The following TERF2IP variants were observed in gnomAD, a reference collection of about 807,000 sequenced individuals.
The protein encoded by TERF2IP is telomeric repeat-binding factor 2-interacting protein 1.
A neutral mutation model predicts 33.3 loss-of-function variants in TERF2IP; 35 were observed. That is an observed-to-expected ratio of 1.05 (90% CI 0.80 to 1.39). The LOEUF (loss-of-function observed/expected upper bound fraction) is 1.39. TERF2IP is among the 40% of genes most tolerant of loss of function. TERF2IP has a pLI of 0.00. For synonymous variants in TERF2IP, 253 were observed against 223.2 expected (o/e 1.13, Z -1.19); for missense variants, 583 against 524.8 (o/e 1.11, Z -1.08).
intron 1 of TERF2IP, among the ~76,000 whole-genome samples, chr16:75,653,142 A>G (rs895690817): frequency 6.6e-6 from 1 of 152,004 alleles, no homozygotes; most frequent in Non-Finnish European, 1.5e-5. Flanking sequence ...TATATACTAC[A>G]TTTTGTTTTT....
At chr16:75,651,925 T>C (rs193207469) in intron 1 of TERF2IP, among the ~76,000 whole-genome samples, 7 of 152,276 alleles carry the variant, frequency 4.6e-5, no homozygotes, top group South Asian at 2.1e-4. Flanking sequence ...ATCTATAAGA[T>C]TGGCAAAAGT....
intron 1 of TERF2IP, among the ~76,000 whole-genome samples, chr16:75,652,568 T>A (rs2082355394): frequency 6.6e-6 from 1 of 152,236 alleles, no homozygotes; most frequent in African/African-American, 2.4e-5. Context: ...CATCATATCA[T>A]TTTATCTATT....
rs2082393430 is a variant in TERF2IP at position 75,657,223 on chromosome 16, T to G, written c.*612T>G. On this transcript the variant is annotated 3_prime_UTR_variant, in exon 3 of 3. Transcript: ENST00000300086. ...TTTTGGAGCCCTTCTCAGTCAAGTC[T>G]GCCGGATGTCTTTCTTTACCTACCC... 1 of 152,296 alleles carries G rather than the reference T, an allele frequency of 6.6e-6. No homozygotes were observed. Among genetic ancestry groups the G allele is most frequent in the Non-Finnish European group, 1.5e-5 (1 of 68,098 alleles). The allele number at this position is 152,296 out of a possible 1,614,324, so 9.4% of individuals were successfully genotyped here. A position where few individuals can be genotyped will look rare whatever the true frequency, so the allele number is the denominator to read the frequency against.
Position 75,656,594 on chromosome 16 carries a change from G to C in TERF2IP, c.1183G>C (p.Glu395Gln). 6.3e-7 allele frequency: 1 copy of C among 1,592,764 alleles called. No homozygotes were observed. The highest frequency in any genetic ancestry group is 2.2e-5 in the East Asian group (1 of 44,608). Residue 395 changes from glutamate to glutamine, a missense_variant, in exon 3 of 3, where the codon GAA (glutamate) becomes CAA (glutamine). By Grantham distance (29) the Glu-to-Gln change is conservative (BLOSUM62 2). Coordinates refer to ENST00000300086, the MANE Select transcript of TERF2IP (RefSeq NM_018975.4). ...FGAQNVARRI[E>Q]FRKK ...TGCTCAGAATGTAGCTCGGAGGATT[G>C]AATTTCGAAAGAAATAATTGGCAAG...
Position 75,648,571 on chromosome 16 carries a change from G to T in TERF2IP, c.670+19G>T. ...AGCGGGGGTGAGGAGGCTGAGCGCG[G>T]GGCCTCGCGGATATCTGCGCGGGTG... On this transcript the variant is annotated intron_variant, in intron 1 of 2. Coordinates refer to ENST00000300086, the MANE Select transcript of TERF2IP (RefSeq NM_018975.4). 11 of 1,515,808 alleles carry T rather than the reference G, an allele frequency of 7.3e-6. No homozygotes were observed. Among genetic ancestry groups the T allele is most frequent in the East Asian group, 2.4e-5 (1 of 42,176 alleles). The allele number at this position is 1,515,808 out of a possible 1,614,324, so 93.9% of individuals were successfully genotyped here.
rs2082392935 is a variant in TERF2IP, at chr16:75,657,178, C to G, written c.*567C>G. 1 of 152,258 alleles carries G rather than the reference C, an allele frequency of 6.6e-6. No homozygotes were observed. The highest frequency in any genetic ancestry group is 2.4e-5 in the African/African-American group (1 of 41,452). The allele number at this position is 152,258 out of a possible 1,614,324, so 9.4% of individuals were successfully genotyped here. ...TTTGCTAACTTAGTATTTGGGTACC[C>G]TGCTCTTTGGCTGTTCTTTTTTTGG... On this transcript the variant is annotated 3_prime_UTR_variant, in exon 3 of 3. Coordinates refer to ENST00000300086, the MANE Select transcript of TERF2IP (RefSeq NM_018975.4).
In TERF2IP at chr16:75,648,026, C is replaced by T. The variant is rs779702070; in HGVS notation, c.144C>T (p.His48=). 4 of 1,611,760 alleles carry T rather than the reference C, an allele frequency of 2.5e-6. No individual in the cohort carries two copies. In the South Asian group the frequency reaches 3.3e-5, roughly 13 times the overall value. ...AKRRLSTLIL[H]GGGTVCRVQE... is the part of the protein sequence containing the mutation. Reference sequence around the variant, plus strand: ...GTCGGCTGTCGACGCTCATCCTGCACGGCGGCGGCACCGTGTGCCGAGTGC... The same window carrying T: ...GTCGGCTGTCGACGCTCATCCTGCATGGCGGCGGCACCGTGTGCCGAGTGC... Residue 48 remains histidine, a synonymous_variant, in exon 1 of 3, where the codon CAC becomes CAT. Coordinates refer to ENST00000300086, the MANE Select transcript of TERF2IP (RefSeq NM_018975.4).
intron 1 of TERF2IP, among the ~76,000 whole-genome samples, chr16:75,651,474 G>A (rs1038662861): frequency 6.6e-6 from 1 of 152,288 alleles, no homozygotes; most frequent in East Asian, 1.9e-4. Context: ...GACCACTTGA[G>A]GTCAGGAGTT....
At chr16:75,653,274 T>C (rs79383062) in intron 1 of TERF2IP, among the ~76,000 whole-genome samples, 4,630 of 152,314 alleles carry the variant, frequency 0.03, 89 homozygotes, top group Non-Finnish European at 0.037. Flanking sequence ...ATTTTAGGTA[T>C]ATGCCTAGAA....
At position 75,656,611 on chromosome 16, in the gene TERF2IP, A is replaced by G. The variant is rs145177251; in HGVS notation, c.1200A>G (p.Ter400=). ...GGAGGATTGAATTTCGAAAGAAATA[A>G]TTGGCAAGATAATGAGAAAAGAAAA... is the stretch of plus-strand genomic sequence containing the variant. ...VARRIEFRKK[*] Residue 400 remains the stop codon, a stop_retained_variant, in exon 3 of 3, where the codon TAA becomes TAG. Transcript: ENST00000300086. The G allele has an allele frequency of 2.5e-6, 4 of 1,588,844 alleles. No homozygotes were observed.
intron 2 of TERF2IP, among the ~76,000 whole-genome samples, chr16:75,655,861 A>G (rs934989042): frequency 4.6e-5 from 7 of 152,200 alleles, no homozygotes; most frequent in African/African-American, 1.4e-4. Context: ...GTGTGCACAT[A>G]TATGTGTCTC....
intron 1 of TERF2IP, among the ~76,000 whole-genome samples, chr16:75,653,406 GT>G (rs2082361167): frequency 6.6e-6 from 1 of 152,068 alleles, no homozygotes; most frequent in Non-Finnish European, 1.5e-5. Context: ...AGTTATATGT[GT>G]TTTAACATAG....
intron 1 of TERF2IP, among the ~76,000 whole-genome samples, chr16:75,649,543 C>CA (rs5817958): frequency 0.17 from 22,890 of 136,220 alleles, 3,229 homozygotes; most frequent in East Asian, 0.69. Context: ...GACTCCATCT[C>CA]AAAAAAAAAA....
intron 1 of TERF2IP, among the ~76,000 whole-genome samples, chr16:75,653,841 C>G (rs998452887): frequency 1.3e-5 from 2 of 152,174 alleles, no homozygotes; most frequent in Admixed American, 1.3e-4. Flanking sequence ...CAGCTTCTCT[C>G]TCTGCCCACT....
chr16:75,653,303 A>T (rs1343780263), intron 1 of TERF2IP, among the ~76,000 whole-genome samples: 1 of 152,204 alleles, frequency 6.6e-6, no homozygotes, highest in Admixed American at 6.5e-5. Flanking sequence ...GCTGGATCAT[A>T]TGGTAATTTT....
chr16:75,652,498 A>G (rs1195235358), intron 1 of TERF2IP, among the ~76,000 whole-genome samples: 1 of 152,170 alleles, frequency 6.6e-6, no homozygotes, highest in Non-Finnish European at 1.5e-5. Context: ...AGTTCATGGC[A>G]TTTTTTAAAT....
At chr16:75,651,979 G>A (rs2082350873) in intron 1 of TERF2IP, among the ~76,000 whole-genome samples, 1 of 152,162 alleles carries the variant, frequency 6.6e-6, no homozygotes, top group Non-Finnish European at 1.5e-5. Context: ...GGGAAAACAA[G>A]TATACTCCTA....
chr16:75,656,020 T>C (rs1057246387), intron 2 of TERF2IP, among the ~76,000 whole-genome samples, 187 bp from the exon 3 acceptor site: 3 of 152,020 alleles, frequency 2.0e-5, no homozygotes, highest in African/African-American at 7.2e-5. Context: ...CACACACGCG[T>C]GTACATATAC....
chr16:75,648,629 C>G, intron 1 of TERF2IP, 77 bp downstream of exon 1: 1 of 1,449,994 alleles, frequency 6.9e-7, no homozygotes, highest in Non-Finnish European at 9.1e-7. Context: ...TGCCTGGCGT[C>G]CATCTTGGCA....
Sources: gnomAD v4.1 joint callset for allele counts (sites outside exome capture counted in the v4.1 genomes callset) on GRCh38, gnomAD v4.1.1 for gene constraint, MANE v1.5 for transcripts, NCBI Gene and HGNC (gene_info 2026-07-23, HGNC 2026-07-21) for gene names.